The following CCDC171 variants were observed in gnomAD, a reference collection of about 807,000 sequenced individuals.
CCDC171 encodes the protein coiled-coil domain containing 171.
CCDC171 carries 177 observed loss-of-function variants against 168.2 expected under a neutral mutation model. The ratio of observed to expected loss-of-function variants is 1.05; its 90% confidence interval spans 0.93 to 1.19. The LOEUF (loss-of-function observed/expected upper bound fraction) is 1.19, where lower values mean the gene tolerates loss of function less well. Ranked by LOEUF, CCDC171 falls within the 50% of genes most tolerant of loss-of-function variation. The pLI, the probability that CCDC171 is intolerant of heterozygous loss-of-function variation, is 0.00. For synonymous variants in CCDC171, 687 were observed against 540.8 expected (o/e 1.27, Z -3.75); for missense variants, 1,991 against 1,539.0 (o/e 1.29, Z -4.91).
At chr9:16,028,839 G>A (rs1405539483) in intron 6 of CCDC171, among the ~76,000 whole-genome samples, 1 of 152,192 alleles carries the variant, frequency 6.6e-6, no homozygotes, top group Non-Finnish European at 1.5e-5. Flanking sequence ...GACGACTTTG[G>A]CTCTGGGACT....
At chr9:15,720,792 A>C (rs10962125) in intron 11 of CCDC171, among the ~76,000 whole-genome samples, 70,109 of 151,908 alleles carry the variant, frequency 0.46, 16,476 homozygotes, top group Non-Finnish European at 0.51. Context: ...TGCACCCATT[A>C]ACTCGTCATT....
chr9:15,948,627 T>C (rs954183885), intron 25 of CCDC171, among the ~76,000 whole-genome samples: 4 of 152,168 alleles, frequency 2.6e-5, no homozygotes, highest in Non-Finnish European at 5.9e-5. Flanking sequence ...ATGTCTTCTT[T>C]TGAGTAGTGT....
chr9:15,741,938 A>G (rs934037824), intron 16 of CCDC171, among the ~76,000 whole-genome samples: 5 of 152,210 alleles, frequency 3.3e-5, no homozygotes, highest in African/African-American at 9.6e-5. Context: ...CTGTATCTAC[A>G]TGCACAATTT....
chr9:16,090,358 C>G, the CCDC171 span, among the ~76,000 whole-genome samples: 1 of 151,910 alleles, frequency 6.6e-6, no homozygotes, highest in Non-Finnish European at 1.5e-5. Flanking sequence ...TAAGTGGGAG[C>G]TGAACAATGA....
intron 6 of CCDC171, among the ~76,000 whole-genome samples, chr9:15,623,004 A>G (rs1219807123): frequency 6.6e-6 from 1 of 152,236 alleles, no homozygotes; most frequent in African/African-American, 2.4e-5. Flanking sequence ...CAGTTAAACT[A>G]ATGTAACTTT....
chr9:15,795,860 A>G (rs962863710), intron 21 of CCDC171, among the ~76,000 whole-genome samples: 2 of 152,338 alleles, frequency 1.3e-5, no homozygotes, highest in South Asian at 4.1e-4. Flanking sequence ...TTAATGATCC[A>G]AGGACTCTTT....
At chr9:15,558,302 A>G (rs1283215340) in intron 1 of CCDC171, among the ~76,000 whole-genome samples, 3 of 152,198 alleles carry the variant, frequency 2.0e-5, no homozygotes, top group African/African-American at 7.2e-5. Context: ...GAATAGTTTC[A>G]GAAGGAATGG....
At chr9:15,788,451 T>C (rs1660896252) in intron 21 of CCDC171, among the ~76,000 whole-genome samples, 1 of 152,166 alleles carries the variant, frequency 6.6e-6, no homozygotes, top group African/African-American at 2.4e-5. Context: ...AAGTGTATTG[T>C]TTCTTCTTTT....
intron 10 of CCDC171, among the ~76,000 whole-genome samples, chr9:15,688,410 C>A (rs1411213050): frequency 1.3e-5 from 2 of 152,014 alleles, no homozygotes; most frequent in Non-Finnish European, 1.5e-5. Flanking sequence ...ACCAAATATA[C>A]TGAAAGAAAA....
chr9:16,075,879 A>G, the CCDC171 span, among the ~76,000 whole-genome samples: 10 of 149,944 alleles, frequency 6.7e-5, no homozygotes, highest in African/African-American at 2.5e-4. Context: ...ACAGCACAGC[A>G]TAGCATAGCA....
rs570858607 is a variant in CCDC171 at position 15,691,787 on chromosome 9, C to T, written c.1216-3448C>T. Among the ~76,000 whole-genome samples, 5 of 152,056 alleles carry T rather than the reference C, an allele frequency of 3.3e-5. No individual in the cohort carries two copies. The East Asian group carries it at 9.7e-4, about 29-fold the overall frequency. ...GACTTTTCGGACTCAAGCAATCTTCCCACCTCAACCTGCTGAGTAACTGGG... is the reference window on the plus strand; with the variant it reads ...GACTTTTCGGACTCAAGCAATCTTCTCACCTCAACCTGCTGAGTAACTGGG... On this transcript the variant is annotated intron_variant, in intron 10 of 25. Coordinates refer to ENST00000380701, the MANE Select transcript of CCDC171 (RefSeq NM_173550.4).
intron 3 of CCDC171, among the ~76,000 whole-genome samples, chr9:16,016,377 A>G (rs1016870110): frequency 2.0e-5 from 3 of 152,060 alleles, no homozygotes; most frequent in Admixed American, 6.6e-5. Context: ...TTGATTTCCC[A>G]CATAGCTTCG....
chr9:15,701,548 T>A (rs2051737000), intron 11 of CCDC171, among the ~76,000 whole-genome samples: 1 of 151,892 alleles, frequency 6.6e-6, no homozygotes, highest in African/African-American at 2.4e-5. Flanking sequence ...CCATGCTATT[T>A]GATACCATTT....
chr9:15,986,676 C>T (rs1270260557), intron 3 of CCDC171, among the ~76,000 whole-genome samples: 3 of 152,192 alleles, frequency 2.0e-5, no homozygotes, highest in African/African-American at 7.2e-5. Context: ...GAACTTTAGA[C>T]ATGGCACTCT....
At chr9:16,013,453 C>T (rs906631076) in intron 3 of CCDC171, among the ~76,000 whole-genome samples, 3 of 152,218 alleles carry the variant, frequency 2.0e-5, no homozygotes, top group African/African-American at 7.2e-5. Flanking sequence ...CCTACCTTTG[C>T]AATCTGACGT....
intron 21 of CCDC171, among the ~76,000 whole-genome samples, chr9:15,791,751 G>T (rs1168571643): frequency 6.6e-6 from 1 of 152,122 alleles, no homozygotes; most frequent in Admixed American, 6.5e-5. Context: ...CAACAGACCT[G>T]CAGCTGAGGG....
intron 21 of CCDC171, among the ~76,000 whole-genome samples, chr9:15,795,946 A>C (rs1269925275): frequency 1.3e-5 from 2 of 152,248 alleles, no homozygotes; most frequent in Non-Finnish European, 2.9e-5. Context: ...GAAAATGTTC[A>C]ATTAGGGATG....
At chr9:15,716,217 G>A (rs919753131) in intron 11 of CCDC171, among the ~76,000 whole-genome samples, 1 of 152,154 alleles carries the variant, frequency 6.6e-6, no homozygotes, top group Non-Finnish European at 1.5e-5. Flanking sequence ...AGGATTTTGA[G>A]TTGATGTTAT....
At chr9:15,931,456 CTTTT>C (rs57124025) in intron 25 of CCDC171, among the ~76,000 whole-genome samples, 13 of 44,992 alleles carry the variant, frequency 2.9e-4, no homozygotes, top group Admixed American at 2.2e-3. Flanking sequence ...TTCTTTCTTT[CTTTT>C]TTTTTTTTTT....
Sources: gnomAD v4.1 joint callset for allele counts (sites outside exome capture counted in the v4.1 genomes callset) on GRCh38, gnomAD v4.1.1 for gene constraint, MANE v1.5 for transcripts, NCBI Gene and HGNC (gene_info 2026-07-23, HGNC 2026-07-21) for gene names.